The following SORCS2 variants were observed in gnomAD, a reference collection of about 807,000 sequenced individuals.
The protein encoded by SORCS2 is VPS10 domain-containing receptor SorCS2.
SORCS2 carries 100 observed loss-of-function variants against 141.6 expected under a neutral mutation model. That is an observed-to-expected ratio of 0.71 (90% CI 0.60 to 0.83). The LOEUF is 0.83. SORCS2 is among the 40% of genes least tolerant of loss of function. SORCS2 has a pLI of 0.00. For synonymous variants in SORCS2, 789 were observed against 676.9 expected (o/e 1.17, Z -2.57); for missense variants, 1,646 against 1,560.2 (o/e 1.05, Z -0.93).
chr4:7,676,622 G>C (rs1723129864), intron 9 of SORCS2, among the ~76,000 whole-genome samples: 1 of 151,478 alleles, frequency 6.6e-6, no homozygotes, highest in African/African-American at 2.4e-5. Context: ...GCTTCTCTCT[G>C]AGTGCCCCAT....
intron 1 of SORCS2, among the ~76,000 whole-genome samples, chr4:7,374,166 TCTTTCTTTCTTTCTTTCTTTCTTTCTTTC>T (rs1560229415): frequency 2.7e-5 from 4 of 146,444 alleles, no homozygotes; most frequent in African/African-American, 1.0e-4. Context: ...TTTCTTTCTT[TCTTTCTTTCTTTCTTTCTTTCTTTCTTTC>T]TTTTTTGCAG....
At chr4:7,486,746 C>T (rs923739771) in intron 2 of SORCS2, among the ~76,000 whole-genome samples, 37 of 152,294 alleles carry the variant, frequency 2.4e-4, no homozygotes, top group Admixed American at 1.2e-3. Context: ...TCCAGGTGTG[C>T]GTGCCCCCAG....
chr4:7,662,801 C>T (rs145116978), intron 6 of SORCS2, among the ~76,000 whole-genome samples: 2 of 150,902 alleles, frequency 1.3e-5, no homozygotes, highest in East Asian at 1.9e-4. Context: ...GTTTATACCA[C>T]AGAAATTGGC....
chr4:7,429,681 A>C (rs1726693558), intron 2 of SORCS2, among the ~76,000 whole-genome samples: 2 of 152,162 alleles, frequency 1.3e-5, no homozygotes, highest in Admixed American at 1.3e-4. Flanking sequence ...AGGTGGGGTC[A>C]CCCAGGTTAG....
At chr4:7,566,517 A>G (rs951614100) in intron 3 of SORCS2, among the ~76,000 whole-genome samples, 1 of 152,228 alleles carries the variant, frequency 6.6e-6, no homozygotes, top group Non-Finnish European at 1.5e-5. Flanking sequence ...TGACTATCAG[A>G]GGCCACACAG....
chr4:7,510,299 C>T (rs1328009938), intron 2 of SORCS2, among the ~76,000 whole-genome samples: 3 of 152,206 alleles, frequency 2.0e-5, no homozygotes, highest in African/African-American at 4.8e-5. Context: ...CGCCGGCCCC[C>T]GATTCGGGGT....
At chr4:7,422,083 C>T (rs930786083) in intron 2 of SORCS2, among the ~76,000 whole-genome samples, 1 of 152,210 alleles carries the variant, frequency 6.6e-6, no homozygotes, top group Non-Finnish European at 1.5e-5. Context: ...ATGAGCCCTG[C>T]ATTTCGGAAA....
chr4:7,301,492 T>A (rs1717425987), intron 1 of SORCS2, among the ~76,000 whole-genome samples: 1 of 152,186 alleles, frequency 6.6e-6, no homozygotes, highest in South Asian at 2.1e-4. Flanking sequence ...ACCAGAGAAC[T>A]CAGTCCAGCG....
intron 1 of SORCS2, among the ~76,000 whole-genome samples, chr4:7,349,536 G>A (rs2109003187): frequency 6.6e-6 from 1 of 152,202 alleles, no homozygotes; most frequent in Admixed American, 6.5e-5. Context: ...GTGGGGGCTG[G>A]GTGATGTGGT....
At position 7,676,824 on chromosome 4, in the gene SORCS2, T is replaced by TCTCCCTCTCCCTCTCTCC. The variant is rs1553902878; in HGVS notation, c.1341+598_1341+599insCCTCTCCCTCTCTCCCTC. ...TTCTGTCTCTCTCTCTCTCTCTCTC[T>TCTCCCTCTCCCTCTCTCC]CTCTCCCTCTCTCCACCCCAGCCCT... is the stretch of plus-strand genomic sequence containing the variant. On this transcript the variant is annotated intron_variant, in intron 9 of 26. Transcript: ENST00000507866. 1.1e-3 allele frequency among the ~76,000 whole-genome samples: 52 copies of TCTCCCTCTCCCTCTCTCC among 49,090 alleles called. 2 individuals carry two copies. The highest frequency in any genetic ancestry group is 4.6e-3 in the African/African-American group (52 of 11,304). 32.2% of individuals were successfully genotyped at this position (49,090 alleles called of 152,430 possible). A position where few individuals can be genotyped will look rare whatever the true frequency, so the allele number is the denominator to read the frequency against.
At chr4:7,392,990 T>C (rs995774873) in intron 1 of SORCS2, among the ~76,000 whole-genome samples, 1 of 151,994 alleles carries the variant, frequency 6.6e-6, no homozygotes, top group Non-Finnish European at 1.5e-5. Context: ...CCTGGCTCCC[T>C]GGCCCATTTG....
intron 3 of SORCS2, among the ~76,000 whole-genome samples, chr4:7,607,157 C>G (rs189657014): frequency 1.3e-5 from 2 of 152,204 alleles, no homozygotes; most frequent in Non-Finnish European, 2.9e-5. Flanking sequence ...ACAAGAGTTA[C>G]GCTTATGAAG....
chr4:7,453,299 G>T (rs1403222903), intron 2 of SORCS2, among the ~76,000 whole-genome samples: 1 of 139,804 alleles, frequency 7.2e-6, no homozygotes, highest in Non-Finnish European at 1.5e-5. Flanking sequence ...TGTGTGTTGG[G>T]GTCAGGTGCT....
intron 5 of SORCS2, among the ~76,000 whole-genome samples, chr4:7,657,388 G>A (rs1375268526): frequency 1.1e-5 from 1 of 93,850 alleles, no homozygotes; most frequent in African/African-American, 2.6e-5. Context: ...AAATGGATGA[G>A]TAAATAACTG....
At chr4:7,337,556 G>A (rs1446283563) in intron 1 of SORCS2, among the ~76,000 whole-genome samples, 1 of 152,168 alleles carries the variant, frequency 6.6e-6, no homozygotes, top group Non-Finnish European at 1.5e-5. Context: ...CTGGCAGGAG[G>A]TCAGGTGGCT....
rs776940620 is a variant in SORCS2 at position 7,714,322 on chromosome 4, C to A, written c.2072C>A (p.Thr691Lys). ...TSWCIKGRSF[T>K]SALTSRVCEC... ...TGGTGCATCAAGGGGAGGAGCTTCA[C>A]GTCGGCGCTCACGTCCCGCGTGTGC... Residue 691 changes from threonine (T) to lysine (K), a missense_variant, in exon 16 of 27, where the codon ACG (threonine) becomes AAG (lysine). By Grantham distance (78) the Thr-to-Lys change is moderately conservative (BLOSUM62 -1). Transcript: ENST00000507866. 1 of 1,586,852 alleles carries A rather than the reference C, an allele frequency of 6.3e-7. No homozygotes were observed. Among genetic ancestry groups the A allele is most frequent in the African/African-American group, 1.3e-5 (1 of 74,294 alleles).
chr4:7,607,393 A>G (rs868671432), intron 3 of SORCS2, among the ~76,000 whole-genome samples: 1 of 152,084 alleles, frequency 6.6e-6, no homozygotes, highest in Non-Finnish European at 1.5e-5. Flanking sequence ...TTTGTTCTGC[A>G]GCCTGCCCCG....
chr4:7,299,162 T>C (rs1717269265), intron 1 of SORCS2, among the ~76,000 whole-genome samples: 1 of 152,200 alleles, frequency 6.6e-6, no homozygotes, highest in Non-Finnish European at 1.5e-5. Flanking sequence ...AGGGATGCTT[T>C]GCAGTCAGGG....
rs574762778 is a variant in SORCS2 at position 7,720,941 on chromosome 4, G to C, written c.2425-2756G>C. ...GAAAACACTTCAGCAGTTTCTTAAC[G>C]AACTCAACATGCAACGACCAGAGGA... is the stretch of plus-strand genomic sequence containing the variant. On this transcript the variant is annotated intron_variant, in intron 18 of 26. Coordinates refer to ENST00000507866, the MANE Select transcript of SORCS2 (RefSeq NM_020777.3). Among the ~76,000 whole-genome samples, 4 of 152,328 alleles carry C rather than the reference G, an allele frequency of 2.6e-5. No homozygotes were observed. In the South Asian group the frequency reaches 8.3e-4, roughly 32 times the overall value.
Sources: gnomAD v4.1 joint callset for allele counts (sites outside exome capture counted in the v4.1 genomes callset) on GRCh38, gnomAD v4.1.1 for gene constraint, MANE v1.5 for transcripts, NCBI Gene and HGNC (gene_info 2026-07-23, HGNC 2026-07-21) for gene names.